HS3ST4: variants seen among roughly 807,000 people sequenced by gnomAD.
The protein encoded by HS3ST4 is heparan sulfate glucosamine 3-O-sulfotransferase 4.
In HS3ST4, 17 loss-of-function variants were observed where a neutral mutation model predicts 29.2. The ratio of observed to expected loss-of-function variants is 0.58; its 90% CI spans 0.40 to 0.87. HS3ST4 has a LOEUF of 0.87. HS3ST4 is among the 40% of genes least tolerant of loss of function. The pLI is 0.00. For synonymous variants in HS3ST4, 314 were observed against 285.7 expected, an observed-to-expected ratio of 1.10 and a Z score of -1.00; for missense variants, 627 against 634.5, an observed-to-expected ratio of 0.99 and a Z score of 0.13.
intron 1 of HS3ST4, among the ~76,000 whole-genome samples, chr16:25,750,087 C>G (rs145515847): frequency 3.7e-4 from 57 of 152,276 alleles, no homozygotes; most frequent in African/African-American, 1.3e-3. Context: ...TGGAAAATCC[C>G]AAATGGTTGC....
At chr16:25,706,545 C>G (rs1010336207) in intron 1 of HS3ST4, among the ~76,000 whole-genome samples, 7 of 152,094 alleles carry the variant, frequency 4.6e-5, no homozygotes, top group Non-Finnish European at 7.3e-5. Flanking sequence ...TCCCCACCCC[C>G]CGACAGGCCC....
intron 1 of HS3ST4, among the ~76,000 whole-genome samples, chr16:25,924,007 A>G (rs1202031270): frequency 1.3e-5 from 2 of 152,124 alleles, no homozygotes; most frequent in Non-Finnish European, 2.9e-5. Context: ...CGCTTTGGCC[A>G]CCTATATTCA....
intron 1 of HS3ST4, among the ~76,000 whole-genome samples, chr16:25,955,716 A>T (rs1448622808): frequency 6.6e-6 from 1 of 152,114 alleles, no homozygotes; most frequent in East Asian, 1.9e-4. Flanking sequence ...TGTTTTAGGC[A>T]CTAGATGGTA....
chr16:25,847,807 A>G (rs1182633051), intron 1 of HS3ST4, among the ~76,000 whole-genome samples: 2 of 152,230 alleles, frequency 1.3e-5, no homozygotes, highest in African/African-American at 4.8e-5. Flanking sequence ...ATGGATCATT[A>G]TATCATTCCT....
rs1969336250 is a variant in HS3ST4, at chr16:26,013,807, A to G, written c.735-121805A>G. 2.0e-5 allele frequency among the ~76,000 whole-genome samples: 3 copies of G among 152,186 alleles called. No individual in the cohort carries two copies. The South Asian group carries it at 6.2e-4, about 32-fold the overall frequency. On this transcript the variant is annotated intron_variant, in intron 1 of 1. Transcript: ENST00000331351. Reference sequence around the variant, plus strand: ...GGCAGATCATGAGGTCAGGAGATCGAGACCATCCTGGCCAACATGGTGAAA... The same window carrying G: ...GGCAGATCATGAGGTCAGGAGATCGGGACCATCCTGGCCAACATGGTGAAA...
At chr16:26,002,010 T>A (rs1969215791) in intron 1 of HS3ST4, among the ~76,000 whole-genome samples, 2 of 152,196 alleles carry the variant, frequency 1.3e-5, no homozygotes, top group African/African-American at 4.8e-5. Context: ...CCACGTTGTC[T>A]GCTTTAGAAC....
At chr16:25,706,527 C>T (rs1302975445) in intron 1 of HS3ST4, among the ~76,000 whole-genome samples, 5 of 152,090 alleles carry the variant, frequency 3.3e-5, no homozygotes, top group African/African-American at 1.2e-4. Flanking sequence ...TGCTCTCCGT[C>T]CCCTAGCTCC....
chr16:25,826,826 G>A (rs1399681662), intron 1 of HS3ST4, among the ~76,000 whole-genome samples: 1 of 152,084 alleles, frequency 6.6e-6, no homozygotes, highest in Non-Finnish European at 1.5e-5. Flanking sequence ...TTCCATGAGT[G>A]GGTTTATCTC....
intron 1 of HS3ST4, among the ~76,000 whole-genome samples, chr16:26,105,905 A>G (rs1360183515): frequency 6.6e-6 from 1 of 152,232 alleles, no homozygotes; most frequent in Non-Finnish European, 1.5e-5. Flanking sequence ...TTAGATTCTA[A>G]ACTAGGAAAA....
chr16:25,801,739 T>C (rs561496929), intron 1 of HS3ST4, among the ~76,000 whole-genome samples: 8 of 152,318 alleles, frequency 5.3e-5, no homozygotes, highest in African/African-American at 1.9e-4. Context: ...TTCATTCTAA[T>C]CGTTTTATAA....
intron 1 of HS3ST4, among the ~76,000 whole-genome samples, chr16:26,095,499 C>T (rs1030214076): frequency 6.6e-6 from 1 of 152,202 alleles, no homozygotes; most frequent in Admixed American, 6.5e-5. Flanking sequence ...AACTGAACAA[C>T]TTGCTCCTGA....
intron 1 of HS3ST4, among the ~76,000 whole-genome samples, chr16:25,940,267 A>T (rs1247023461): frequency 9.6e-6 from 1 of 103,632 alleles, no homozygotes; most frequent in African/African-American, 3.7e-5. Context: ...TAGTCTGATG[A>T]TTAAGCTATT....
chr16:25,963,059 G>GA (rs1056849600), intron 1 of HS3ST4, among the ~76,000 whole-genome samples: 4 of 152,018 alleles, frequency 2.6e-5, no homozygotes, highest in African/African-American at 7.2e-5. Context: ...GGTAGCAGAA[G>GA]AAAAAAATTA....
At chr16:25,802,254 T>C (rs1966946346) in intron 1 of HS3ST4, among the ~76,000 whole-genome samples, 1 of 152,174 alleles carries the variant, frequency 6.6e-6, no homozygotes, top group Non-Finnish European at 1.5e-5. Flanking sequence ...AACTTTAGAA[T>C]TTTTATTCAT....
intron 1 of HS3ST4, among the ~76,000 whole-genome samples, chr16:25,815,512 C>T (rs559797200): frequency 2.3e-4 from 35 of 152,184 alleles, no homozygotes; most frequent in Non-Finnish European, 3.8e-4. Context: ...TTAGTAGAGA[C>T]GGGATTTCAC....
intron 1 of HS3ST4, among the ~76,000 whole-genome samples, chr16:25,827,546 A>AAC (rs146552644): frequency 1.5e-5 from 2 of 134,066 alleles, no homozygotes; most frequent in African/African-American, 6.4e-5. Flanking sequence ...AAAAAAAAAA[A>AAC]ACAACAACAA....
At chr16:25,776,854 A>G (rs1208416341) in intron 1 of HS3ST4, among the ~76,000 whole-genome samples, 1 of 152,194 alleles carries the variant, frequency 6.6e-6, no homozygotes, top group Non-Finnish European at 1.5e-5. Flanking sequence ...CTAAGTTTCT[A>G]CATATCTTGG....
chr16:25,807,286 T>C (rs984452613), intron 1 of HS3ST4, among the ~76,000 whole-genome samples: 2 of 152,222 alleles, frequency 1.3e-5, no homozygotes, highest in Non-Finnish European at 2.9e-5. Context: ...TGGTTGCCTT[T>C]TTATAGCCAC....
At chr16:25,744,645 G>A (rs1307476924) in intron 1 of HS3ST4, among the ~76,000 whole-genome samples, 1 of 152,112 alleles carries the variant, frequency 6.6e-6, no homozygotes, top group Non-Finnish European at 1.5e-5. Flanking sequence ...GATATGGTTT[G>A]GCTGTGTCCC....
Sources: allele counts gnomAD v4.1 joint callset (sites outside exome capture counted in the v4.1 genomes callset), GRCh38; gene constraint gnomAD v4.1.1; transcripts MANE v1.5; gene names NCBI Gene and HGNC (gene_info 2026-07-23, HGNC 2026-07-21).